Variants in RANBP2 observed in about 807,000 individuals in gnomAD.
RANBP2 encodes the protein RAN binding protein 2, also known as E3 SUMO-protein ligase RanBP2.
A neutral mutation model predicts 303.6 loss-of-function variants in RANBP2; 57 were observed. That is an observed-to-expected ratio of 0.19 (90% CI 0.15 to 0.23). The LOEUF is 0.23. RANBP2 is among the 10% of genes least tolerant of loss of function. RANBP2 has a pLI of 1.00. For missense variants in RANBP2, 3,138 were observed against 3,780.8 expected, an observed-to-expected ratio of 0.83 and a Z score of 4.46; for synonymous variants, 1,167 against 1,301.5, an observed-to-expected ratio of 0.90 and a Z score of 2.23.
the RANBP2 span, among the ~76,000 whole-genome samples, chr2:108,846,125 G>T: frequency 3.4e-3 from 511 of 152,270 alleles, 1 homozygote; most frequent in Non-Finnish European, 4.6e-3. Flanking sequence ...ACAGAAGGAT[G>T]TGCCTGATAA....
At chr2:109,008,309 C>G in the RANBP2 span, among the ~76,000 whole-genome samples, 1 of 152,016 alleles carries the variant, frequency 6.6e-6, no homozygotes, top group Non-Finnish European at 1.5e-5. Context: ...ATGCACAATT[C>G]GTGTTTGTGG....
the RANBP2 span, among the ~76,000 whole-genome samples, chr2:109,438,896 A>G: frequency 6.6e-6 from 1 of 152,276 alleles, no homozygotes; most frequent in South Asian, 2.1e-4. Context: ...GGTTATAAAC[A>G]TCTCATCCAA....
At chr2:109,582,510 C>T in the RANBP2 span, among the ~76,000 whole-genome samples, 1 of 151,958 alleles carries the variant, frequency 6.6e-6, no homozygotes, top group East Asian at 1.9e-4. Flanking sequence ...TTTGTAGAGA[C>T]GAGGTCCCAC....
rs1573715364 is a variant in RANBP2 at position 108,735,594 on chromosome 2, A to G, written c.468A>G (p.Ser156=). ...ATAAACTTTTTGACTTGATTCAGTCAGAACTTTATGTAAGACCTGATGACG... is the reference window on the plus strand; with the variant it reads ...ATAAACTTTTTGACTTGATTCAGTCGGAACTTTATGTAAGACCTGATGACG... ...GWNKLFDLIQ[S]ELYVRPDDVH... The change falls in exon 5 of 29, where the codon TCA becomes TCG. Residue 156 remains serine, a synonymous_variant. Coordinates refer to ENST00000283195, the MANE Select transcript of RANBP2 (RefSeq NM_006267.5). 4 of 1,597,610 alleles carry G rather than the reference A, an allele frequency of 2.5e-6. No individual in the cohort carries two copies. The Admixed American group carries it at 6.7e-5, about 27-fold the overall frequency.
At chr2:108,880,458 G>A in the RANBP2 span, among the ~76,000 whole-genome samples, 1 of 152,146 alleles carries the variant, frequency 6.6e-6, no homozygotes, top group East Asian at 1.9e-4. Flanking sequence ...CATCCAGAAG[G>A]CTAAACTTCC....
the RANBP2 span, among the ~76,000 whole-genome samples, chr2:109,197,003 C>T: frequency 3.9e-5 from 6 of 152,174 alleles, no homozygotes; most frequent in South Asian, 1.0e-3. Context: ...TTCCCTTAGC[C>T]CTCACCATAG....
chr2:109,658,730 A>G, the RANBP2 span, among the ~76,000 whole-genome samples: 3 of 151,892 alleles, frequency 2.0e-5, no homozygotes, highest in Admixed American at 2.0e-4. Context: ...GTTTGAGAAC[A>G]GAACAGCCTG....
chr2:109,244,870 A>G, the RANBP2 span, among the ~76,000 whole-genome samples: 2 of 152,196 alleles, frequency 1.3e-5, no homozygotes, highest in African/African-American at 4.8e-5. Flanking sequence ...AGCCTGTGCC[A>G]TCGTCATATT....
intron 1 of RANBP2, chr2:108,720,160 C>T (rs1244963566): frequency 1.0e-6 from 1 of 983,932 alleles, no homozygotes; most frequent in Non-Finnish European, 1.2e-6. Flanking sequence ...TTGGCGGCTG[C>T]GTCGAGTGAC....
At chr2:108,746,063 T>C (rs1465323446) in intron 7 of RANBP2, among the ~76,000 whole-genome samples, 1 of 151,860 alleles carries the variant, frequency 6.6e-6, no homozygotes, top group African/African-American at 2.4e-5. Context: ...TGGGCCACCA[T>C]GCCTGGCTAA....
chr2:109,196,184 C>G, the RANBP2 span, among the ~76,000 whole-genome samples: 1 of 152,240 alleles, frequency 6.6e-6, no homozygotes, highest in Non-Finnish European at 1.5e-5. Flanking sequence ...GAGCTGCAGC[C>G]TGGAGGCCTT....
the RANBP2 span, among the ~76,000 whole-genome samples, chr2:108,972,634 G>A: frequency 6.6e-6 from 1 of 152,258 alleles, no homozygotes; most frequent in Non-Finnish European, 1.5e-5. Flanking sequence ...GGTGACGGGT[G>A]TCTTCCCCAC....
the RANBP2 span, among the ~76,000 whole-genome samples, chr2:109,523,338 G>A: frequency 6.6e-6 from 1 of 152,146 alleles, no homozygotes; most frequent in Non-Finnish European, 1.5e-5. Context: ...TGTCCAGGCT[G>A]GAAGACCCCA....
chr2:109,650,946 GCAGTCTTGAGGGA>G, the RANBP2 span, among the ~76,000 whole-genome samples: 1 of 152,170 alleles, frequency 6.6e-6, no homozygotes, highest in Non-Finnish European at 1.5e-5. Context: ...TCTGGGAAAT[GCAGTCTTGAGGGA>G]CAGTCCCCAG....
chr2:109,129,014 C>A, the RANBP2 span: 1 of 420,540 alleles, frequency 2.4e-6, no homozygotes, highest in African/African-American at 2.1e-5. Flanking sequence ...GAGGAACGGT[C>A]CTGCTGAATC....
At chr2:108,906,187 G>C in the RANBP2 span, 2 of 989,228 alleles carry the variant, frequency 2.0e-6, no homozygotes, top group South Asian at 2.6e-5. Context: ...TCTGACCAAA[G>C]TGCGGCAACT....
chr2:108,775,523 T>TTA (rs1474143831), intron 23 of RANBP2, among the ~76,000 whole-genome samples: 7 of 152,210 alleles, frequency 4.6e-5, no homozygotes, highest in Non-Finnish European at 8.8e-5. Context: ...CTTCCTGTTT[T>TTA]TATCCACCTT....
chr2:109,313,572 A>C, the RANBP2 span: 4 of 155,024 alleles, frequency 2.6e-5, no homozygotes, highest in Non-Finnish European at 5.9e-5. Flanking sequence ...CCAGATAGGG[A>C]CTGTCCTTGG....
the RANBP2 span, among the ~76,000 whole-genome samples, chr2:108,857,159 A>C: frequency 8.1e-6 from 1 of 123,410 alleles, no homozygotes; most frequent in Non-Finnish European, 1.6e-5. Context: ...GCTCACTGCA[A>C]CCTCTGACTC....
Sources: gnomAD v4.1 joint callset for allele counts (sites outside exome capture counted in the v4.1 genomes callset) on GRCh38, gnomAD v4.1.1 for gene constraint, MANE v1.5 for transcripts, NCBI Gene and HGNC (gene_info 2026-07-23, HGNC 2026-07-21) for gene names.